C1QTNF3: variants seen among roughly 807,000 people sequenced by gnomAD.
The protein encoded by C1QTNF3 is complement C1q tumor necrosis factor-related protein 3.
Under a neutral mutation model 32.6 loss-of-function variants are expected in C1QTNF3, and 26 were observed. The ratio of observed to expected loss-of-function variants is 0.80; its 90% CI spans 0.58 to 1.11. C1QTNF3 has a LOEUF of 1.11. Among genes scored for constraint, C1QTNF3 ranks in the 50% least tolerant of loss-of-function variants. The pLI, the probability that C1QTNF3 is intolerant of heterozygous loss-of-function variation, is 0.00. For missense variants in C1QTNF3, 362 were observed against 398.2 expected (o/e 0.91, Z 0.77); for synonymous variants, 155 against 146.0 (o/e 1.06, Z -0.44).
At chr5:34,122,104 G>C in the C1QTNF3 span, among the ~76,000 whole-genome samples, 1 of 152,144 alleles carries the variant, frequency 6.6e-6, no homozygotes, top group African/African-American at 2.4e-5. Flanking sequence ...CTAAAGAGTG[G>C]GGGTGCTCTA....
the C1QTNF3 span, among the ~76,000 whole-genome samples, chr5:34,115,653 C>G: frequency 1.3e-5 from 2 of 151,886 alleles, no homozygotes; most frequent in African/African-American, 2.4e-5. Context: ...ATGGCGTGAA[C>G]CCGGGAGGCG....
the C1QTNF3 span, among the ~76,000 whole-genome samples, chr5:34,060,585 C>A: frequency 1.3e-5 from 2 of 152,140 alleles, no homozygotes; most frequent in Non-Finnish European, 2.9e-5. Flanking sequence ...ACACACAGTT[C>A]CACCTGGCTG....
the C1QTNF3 span, among the ~76,000 whole-genome samples, chr5:34,153,853 TAAAA>T: frequency 1.2e-4 from 4 of 32,930 alleles, no homozygotes; most frequent in Admixed American, 7.1e-4. Context: ...ACTTAGAGTA[TAAAA>T]AAAAAAAAAA....
the C1QTNF3 span, among the ~76,000 whole-genome samples, chr5:34,241,312 A>G: frequency 2.0e-5 from 3 of 151,982 alleles, no homozygotes; most frequent in Admixed American, 1.3e-4. Flanking sequence ...GAAAAAGAGA[A>G]AAGCACCCAA....
chr5:34,185,341 C>A, the C1QTNF3 span, among the ~76,000 whole-genome samples: 1 of 152,290 alleles, frequency 6.6e-6, no homozygotes. Flanking sequence ...GCCTGAGCAA[C>A]AGAGTGAGAC....
chr5:34,139,531 T>C, the C1QTNF3 span, among the ~76,000 whole-genome samples: 1 of 152,104 alleles, frequency 6.6e-6, no homozygotes, highest in African/African-American at 2.4e-5. Context: ...TCAATTCAAC[T>C]ATCATAGAAA....
At chr5:34,080,609 C>A in the C1QTNF3 span, among the ~76,000 whole-genome samples, 72 of 151,822 alleles carry the variant, frequency 4.7e-4, 5 homozygotes, top group African/African-American at 1.7e-3. Context: ...ATTTTACAGG[C>A]AGCCTATGAA....
chr5:34,195,762 C>A, the C1QTNF3 span, among the ~76,000 whole-genome samples: 5 of 152,148 alleles, frequency 3.3e-5, no homozygotes, highest in Non-Finnish European at 5.9e-5. Context: ...ATGGCGTGAA[C>A]CCAGGAGGCG....
At chr5:34,084,746 T>G in the C1QTNF3 span, among the ~76,000 whole-genome samples, 1 of 146,700 alleles carries the variant, frequency 6.8e-6, no homozygotes, top group Non-Finnish European at 1.5e-5. Context: ...ATGGATAGAT[T>G]GCAAAAATTT....
At chr5:34,038,753 C>T (rs577030939) in intron 1 of C1QTNF3, among the ~76,000 whole-genome samples, 1 of 152,068 alleles carries the variant, frequency 6.6e-6, no homozygotes, top group Non-Finnish European at 1.5e-5. Context: ...ATCTGGGAAG[C>T]TTTAAGACAA....
At chr5:34,235,598 C>T in the C1QTNF3 span, among the ~76,000 whole-genome samples, 1 of 133,934 alleles carries the variant, frequency 7.5e-6, no homozygotes, top group African/African-American at 2.8e-5. Context: ...GATTATGGAA[C>T]AGAACAAACA....
chr5:34,122,389 A>G, the C1QTNF3 span, among the ~76,000 whole-genome samples: 1 of 152,188 alleles, frequency 6.6e-6, no homozygotes, highest in African/African-American at 2.4e-5. Flanking sequence ...GAAATGAGGA[A>G]CATGTCATTG....
At chr5:34,057,103 C>T in the C1QTNF3 span, among the ~76,000 whole-genome samples, 1 of 152,122 alleles carries the variant, frequency 6.6e-6, no homozygotes, top group African/African-American at 2.4e-5. Context: ...GTACATCCAT[C>T]AACGTATTTT....
the C1QTNF3 span, among the ~76,000 whole-genome samples, chr5:34,056,692 G>T: frequency 6.6e-6 from 1 of 151,344 alleles, no homozygotes; most frequent in Admixed American, 6.6e-5. Flanking sequence ...TTTTCTTTTG[G>T]TAAAGATGAA....
the C1QTNF3 span, among the ~76,000 whole-genome samples, chr5:34,050,819 CT>C: frequency 6.6e-6 from 1 of 152,192 alleles, no homozygotes. Flanking sequence ...TTCAGAGAAA[CT>C]GCATATGTCA....
chr5:34,145,341 C>T, the C1QTNF3 span, among the ~76,000 whole-genome samples: 5 of 152,030 alleles, frequency 3.3e-5, no homozygotes, highest in Non-Finnish European at 7.4e-5. Context: ...TTCAGAAATA[C>T]AAAACATCTC....
chr5:34,214,140 C>T, the C1QTNF3 span, among the ~76,000 whole-genome samples: 1 of 151,710 alleles, frequency 6.6e-6, no homozygotes, highest in Non-Finnish European at 1.5e-5. Flanking sequence ...AAATATTTAA[C>T]TTTTAAAATC....
the C1QTNF3 span, among the ~76,000 whole-genome samples, chr5:34,208,080 T>G: frequency 3.3e-5 from 5 of 152,214 alleles, no homozygotes; most frequent in South Asian, 2.1e-4. Context: ...GTGAGCCACC[T>G]CGCCCGGCCT....
At chr5:34,087,570 CTTTTTTTTTTTTTTT>C in the C1QTNF3 span, among the ~76,000 whole-genome samples, 63 of 70,032 alleles carry the variant, frequency 9.0e-4, no homozygotes, top group African/African-American at 3.4e-3. Context: ...ACGCTTTTGT[CTTTTTTTTTTTTTTT>C]TTTTTTTTTT....
Sources: gnomAD v4.1 joint callset for allele counts (sites outside exome capture counted in the v4.1 genomes callset) on GRCh38, gnomAD v4.1.1 for gene constraint, MANE v1.5 for transcripts, NCBI Gene and HGNC (gene_info 2026-07-23, HGNC 2026-07-21) for gene names.